Variants in PKD1L1 observed in about 807,000 individuals in gnomAD.
PKD1L1 encodes the protein polycystin-1-like protein 1.
PKD1L1 carries 236 observed loss-of-function variants against 323.4 expected under a neutral mutation model. The ratio of observed to expected loss-of-function variants is 0.73; its 90% CI spans 0.66 to 0.81. The LOEUF (loss-of-function observed/expected upper bound fraction) is 0.81. Among genes scored for constraint, PKD1L1 ranks in the 40% least tolerant of loss-of-function variants. The pLI is 0.00. For missense variants in PKD1L1, 3,320 were observed against 3,508.0 expected (o/e 0.95, Z 1.35); for synonymous variants, 1,344 against 1,335.0 (o/e 1.01, Z -0.15).
At chr7:47,828,535 G>A (rs67572268) in intron 44 of PKD1L1, among the ~76,000 whole-genome samples, 16,678 of 152,196 alleles carry the variant, frequency 0.11, 1,010 homozygotes, top group Middle Eastern at 0.14. Flanking sequence ...TTACTGCAGT[G>A]TAGCCTGGGT....
intron 3 of PKD1L1, 72 bp from the exon 4 acceptor site, chr7:47,937,030 T>A: frequency 3.3e-6 from 4 of 1,201,698 alleles, no homozygotes; most frequent in Non-Finnish European, 4.9e-6. Context: ...GAAAGTAATA[T>A]TACTTCATTA....
chr7:47,855,348 GTGC>G lies in PKD1L1; in HGVS notation c.4591-86_4591-84del, dbSNP rs1785875924. The G allele has an allele frequency of 6.4e-6, 6 of 944,206 alleles. No homozygotes were observed. The East Asian group carries it at 1.5e-4, about 23-fold the overall frequency. The allele number at this position is 944,206 out of a possible 1,614,324, so 58.5% of individuals were successfully genotyped here. On this transcript the variant is annotated intron_variant, in intron 28 of 56. Transcript: ENST00000289672. ...AAAAGCAGCAAACCAAAGTATCGTG[GTGC>G]TGCTATTACACTTACATAAAATTAT...
intron 28 of PKD1L1, among the ~76,000 whole-genome samples, chr7:47,855,693 G>A (rs1785885201): frequency 8.9e-6 from 1 of 112,648 alleles, no homozygotes; most frequent in South Asian, 2.4e-4. Context: ...CGGCTATAAC[G>A]GTGAAACCCC....
At chr7:47,800,609 T>C in intron 54 of PKD1L1, 40 bp downstream of exon 54, 2 of 1,597,512 alleles carry the variant, frequency 1.3e-6, no homozygotes, top group Non-Finnish European at 8.6e-7. Flanking sequence ...ATGAAACTTT[T>C]ACAAACCATA....
At chr7:47,894,085 A>G in intron 14 of PKD1L1, 26 bp from the exon 15 acceptor site, 1 of 1,526,462 alleles carries the variant, frequency 6.6e-7, no homozygotes, top group Non-Finnish European at 8.8e-7. Context: ...AGGACAGGGG[A>G]TGTCATGCAG....
chr7:47,898,114 G>A lies in PKD1L1; in HGVS notation c.2145C>T (p.Tyr715=), dbSNP rs147531158. 7.6e-5 allele frequency: 123 copies of A among 1,613,974 alleles called. 1 individual carries two copies. Among genetic ancestry groups the A allele is most frequent in the Non-Finnish European group, 1.0e-4 (123 of 1,179,990 alleles). Residue 715 remains tyrosine (Y), a synonymous_variant, in exon 14 of 57, where the codon TAC becomes TAT. Coordinates refer to ENST00000289672, the MANE Select transcript of PKD1L1 (RefSeq NM_138295.5). ...VFCDISQGLS[Y]TWNLMDSEGL... Reference sequence around the variant, plus strand: ...CTTCAGAGTCCATCAAGTTCCAGGTGTAAGAAAGACCTTGGGAAATATCAC... The same window carrying A: ...CTTCAGAGTCCATCAAGTTCCAGGTATAAGAAAGACCTTGGGAAATATCAC...
Position 47,905,266 on chromosome 7 carries a change from C to A in PKD1L1, c.1582G>T (p.Ala528Ser). The A allele has an allele frequency of 6.2e-7, 1 of 1,614,126 alleles. No homozygotes were observed. The highest frequency in any genetic ancestry group is 8.5e-7 in the Non-Finnish European group (1 of 1,180,016). The change falls in exon 11 of 57, where the codon GCT (alanine) becomes TCT (serine). Residue 528 changes from alanine to serine, a missense_variant. Ala to Ser is a moderately conservative substitution (Grantham distance 99, BLOSUM62 1). Coordinates refer to ENST00000289672, the MANE Select transcript of PKD1L1 (RefSeq NM_138295.5). ...AGGGGTATTGTTTCCTTGGTAACAG[C>A]TGTAAATGTAATGTCTGTGTCTGTG... ...FATDTDITFT[A>S]VTKETIPLEF...
chr7:47,825,711 A>G (rs1785229562), intron 45 of PKD1L1, among the ~76,000 whole-genome samples: 1 of 152,066 alleles, frequency 6.6e-6, no homozygotes, highest in African/African-American at 2.4e-5. Flanking sequence ...TTTAAGTCAT[A>G]GGGAAGTTTT....
Position 47,908,099 on chromosome 7 carries a change from A to G in PKD1L1, c.1380T>C (p.Ala460=). ...TACTTTTCTGATTCACTTGGGAGTC[A>G]GCAAAGACAAGCACTTCATCTTCAT... ...SVHEDEVLVF[A]DSQVNQKSTV... is the part of the protein sequence containing the mutation. The change falls in exon 9 of 57, where the codon GCT becomes GCC. Residue 460 remains alanine, a synonymous_variant. Coordinates refer to ENST00000289672, the MANE Select transcript of PKD1L1 (RefSeq NM_138295.5). 6.2e-7 allele frequency: 1 copy of G among 1,613,996 alleles called. No homozygotes were observed. Among genetic ancestry groups the G allele is most frequent in the Non-Finnish European group, 8.5e-7 (1 of 1,180,018 alleles).
chr7:47,910,100 A>G (rs1176037443), intron 8 of PKD1L1, among the ~76,000 whole-genome samples: 1 of 152,210 alleles, frequency 6.6e-6, no homozygotes, highest in Non-Finnish European at 1.5e-5. Flanking sequence ...ATAATTTTGC[A>G]CAGGAATTTT....
chr7:47,810,173 G>A (rs1474600533), intron 50 of PKD1L1, among the ~76,000 whole-genome samples: 2 of 152,104 alleles, frequency 1.3e-5, no homozygotes, highest in African/African-American at 2.4e-5. Context: ...CATCTTCTCT[G>A]TCCTCTGTTG....
At chr7:47,808,009 T>A (rs1784816642) in intron 52 of PKD1L1, among the ~76,000 whole-genome samples, 1 of 152,158 alleles carries the variant, frequency 6.6e-6, no homozygotes, top group Non-Finnish European at 1.5e-5. Flanking sequence ...CTGGGGGAAT[T>A]CCAGGCTCTT....
Position 47,873,962 on chromosome 7 carries a change from G to T in PKD1L1, c.3833C>A (p.Pro1278Gln), listed in dbSNP as rs78833972. Residue 1278 changes from proline to glutamine, a missense_variant, in exon 24 of 57, where the codon CCG becomes CAG. Transcript: ENST00000289672. ...ITDGKGSKVQ[P>Q]CTVVVTVLPR... Reference sequence around the variant, plus strand: ...CAGCACAGTCACCACCACAGTGCACGGCTGGACCTTGGAGCCTTTGCCATC... The same window carrying T: ...CAGCACAGTCACCACCACAGTGCACTGCTGGACCTTGGAGCCTTTGCCATC... 0.1 allele frequency: 161,096 copies of T among 1,610,762 alleles called. 9,038 individuals carry two copies. Among genetic ancestry groups the T allele is most frequent in the South Asian group, 0.18 (16,022 of 90,706 alleles).
intron 56 of PKD1L1, among the ~76,000 whole-genome samples, chr7:47,782,695 C>A (rs916328633): frequency 6.6e-6 from 1 of 152,238 alleles, no homozygotes; most frequent in Non-Finnish European, 1.5e-5. Context: ...TCTGTCTTCC[C>A]CTCAAGAAAA....
chr7:47,881,938 C>G lies in PKD1L1; in HGVS notation c.3413G>C (p.Arg1138Pro). 2.5e-6 allele frequency: 4 copies of G among 1,605,300 alleles called. No individual in the cohort carries two copies. The highest frequency in any genetic ancestry group is 3.4e-6 in the Non-Finnish European group (4 of 1,177,434). Residue 1138 changes from arginine to proline, a missense_variant, in exon 20 of 57, where the codon CGA becomes CCA. Coordinates refer to ENST00000289672, the MANE Select transcript of PKD1L1 (RefSeq NM_138295.5). ...MIDWPKALLG[R>P]AVFQGYSSSG... ...GGATGAATAGCCTTGGAAAACTGCT[C>G]GACCCAGCAGGGCCTTGGGCCAGTC...
chr7:47,923,673 TAAAA>T (rs1217452503), intron 7 of PKD1L1, among the ~76,000 whole-genome samples: 1 of 151,110 alleles, frequency 6.6e-6, no homozygotes, highest in Non-Finnish European at 1.5e-5. Flanking sequence ...AAATAAATAA[TAAAA>T]ATAAATAAAT....
the PKD1L1 span, among the ~76,000 whole-genome samples, chr7:47,956,418 G>A: frequency 6.6e-6 from 1 of 152,150 alleles, no homozygotes; most frequent in Admixed American, 6.5e-5. Flanking sequence ...AATGGGGGTG[G>A]GGCTCACAGC....
At chr7:47,823,358 T>C (rs1434744468) in intron 45 of PKD1L1, among the ~76,000 whole-genome samples, 2 of 152,222 alleles carry the variant, frequency 1.3e-5, no homozygotes, top group African/African-American at 4.8e-5. Context: ...TTATTTAGTC[T>C]ATTAATATGG....
At chr7:47,853,753 C>T (rs961559288) in intron 30 of PKD1L1, among the ~76,000 whole-genome samples, 1 of 106,076 alleles carries the variant, frequency 9.4e-6, no homozygotes, top group African/African-American at 3.7e-5. Flanking sequence ...CAAAAACAAA[C>T]AAACAAACAA....
Sources: gnomAD v4.1 joint callset for allele counts (sites outside exome capture counted in the v4.1 genomes callset) on GRCh38, gnomAD v4.1.1 for gene constraint, MANE v1.5 for transcripts, NCBI Gene and HGNC (gene_info 2026-07-23, HGNC 2026-07-21) for gene names.